The following RNGTT variants were observed in gnomAD, a reference collection of about 807,000 sequenced individuals.
The protein encoded by RNGTT is RNA guanylyltransferase and 5'-phosphatase, also known as mRNA-capping enzyme.
Under a neutral mutation model 79.3 loss-of-function variants are expected in RNGTT, and 33 were observed. That is an observed-to-expected ratio of 0.42 (90% CI 0.32 to 0.56). The LOEUF (loss-of-function observed/expected upper bound fraction) is 0.56. Ranked by LOEUF, RNGTT falls within the 20% of genes least tolerant of loss-of-function variation. The pLI is 0.17. For synonymous variants in RNGTT, 222 were observed against 235.9 expected, an observed-to-expected ratio of 0.94 and a Z score of 0.54; for missense variants, 497 against 739.1, an observed-to-expected ratio of 0.67 and a Z score of 3.80.
chr6:88,703,061 G>A (rs1284519799), intron 13 of RNGTT, among the ~76,000 whole-genome samples: 1 of 152,130 alleles, frequency 6.6e-6, no homozygotes, highest in Non-Finnish European at 1.5e-5. Context: ...AACAGATACT[G>A]GCAAGTCTAT....
chr6:88,733,560 T>C (rs774499126), intron 13 of RNGTT, among the ~76,000 whole-genome samples: 4 of 151,100 alleles, frequency 2.6e-5, no homozygotes, highest in Non-Finnish European at 4.4e-5. Flanking sequence ...AAATTAATGA[T>C]AAATATCAAA....
At chr6:88,696,423 C>T (rs1383164420) in intron 13 of RNGTT, among the ~76,000 whole-genome samples, 1 of 152,042 alleles carries the variant, frequency 6.6e-6, no homozygotes, top group Non-Finnish European at 1.5e-5. Flanking sequence ...AGTTCCCTAC[C>T]TAACTTGTTA....
At chr6:88,834,753 AACAG>A (rs1320952648) in intron 11 of RNGTT, among the ~76,000 whole-genome samples, 1 of 152,200 alleles carries the variant, frequency 6.6e-6, no homozygotes, top group Non-Finnish European at 1.5e-5. Flanking sequence ...ACTAGTCTTG[AACAG>A]ACACTTAAGA....
At chr6:88,674,749 G>GA (rs34754470) in intron 14 of RNGTT, among the ~76,000 whole-genome samples, 41 of 149,038 alleles carry the variant, frequency 2.8e-4, no homozygotes, top group Middle Eastern at 6.9e-3. Context: ...AAACAAATGT[G>GA]AAAAAAAAAA....
intron 1 of RNGTT, among the ~76,000 whole-genome samples, chr6:88,945,973 G>T (rs1048099058): frequency 1.3e-5 from 2 of 152,206 alleles, no homozygotes; most frequent in Admixed American, 6.5e-5. Context: ...AACACATTCC[G>T]ATATGAGCAA....
chr6:88,794,873 G>A (rs529741730), intron 12 of RNGTT, among the ~76,000 whole-genome samples: 8 of 152,256 alleles, frequency 5.3e-5, no homozygotes, highest in African/African-American at 1.9e-4. Context: ...CAAATCCTAT[G>A]GAATGGAGAG....
At chr6:88,907,243 C>A (rs1254012715) in intron 4 of RNGTT, among the ~76,000 whole-genome samples, 1 of 152,168 alleles carries the variant, frequency 6.6e-6, no homozygotes, top group Non-Finnish European at 1.5e-5. Flanking sequence ...AATTTGTAAT[C>A]CCCACAATCC....
chr6:88,707,393 T>G, intron 13 of RNGTT, among the ~76,000 whole-genome samples: 1 of 151,628 alleles, frequency 6.6e-6, no homozygotes, highest in Non-Finnish European at 1.5e-5. Flanking sequence ...TTTTTATTCT[T>G]TTGGGGGTGG....
chr6:88,676,109 A>G (rs993998416), intron 14 of RNGTT, among the ~76,000 whole-genome samples: 1 of 152,208 alleles, frequency 6.6e-6, no homozygotes, highest in Non-Finnish European at 1.5e-5. Context: ...CAAACAACAT[A>G]GAAAAAGAAC....
At chr6:88,889,072 C>T (rs908089215) in intron 8 of RNGTT, among the ~76,000 whole-genome samples, 1 of 152,070 alleles carries the variant, frequency 6.6e-6, no homozygotes, top group African/African-American at 2.4e-5. Flanking sequence ...CCATATAACC[C>T]AGAGAAAAAG....
intron 2 of RNGTT, among the ~76,000 whole-genome samples, chr6:88,930,598 A>G (rs1050797596): frequency 9.2e-5 from 14 of 152,194 alleles, no homozygotes; most frequent in Admixed American, 5.9e-4. Flanking sequence ...AAATCCACAC[A>G]TTCATAAAAA....
In RNGTT at chr6:88,729,926, C is replaced by T. The variant is rs141999037; in HGVS notation, c.1439+39848G>A. 5.3e-5 allele frequency among the ~76,000 whole-genome samples: 8 copies of T among 152,226 alleles called. No individual in the cohort carries two copies. In the East Asian group the frequency reaches 1.5e-3, roughly 29 times the overall value. ...TAATATCCTCAATTCTTCCTTCCCT[C>T]GCAGCTGTAATGGGTGTATTTATTC... On this transcript the variant is annotated intron_variant, in intron 13 of 15. Coordinates refer to ENST00000369485, the MANE Select transcript of RNGTT (RefSeq NM_003800.5).
At chr6:88,757,720 AC>A (rs771960686) in intron 13 of RNGTT, among the ~76,000 whole-genome samples, 18 of 152,234 alleles carry the variant, frequency 1.2e-4, no homozygotes, top group Non-Finnish European at 2.4e-4. Flanking sequence ...GAAAGTAGGA[AC>A]AAATAACAAA....
intron 14 of RNGTT, among the ~76,000 whole-genome samples, chr6:88,658,015 T>A (rs1318921551): frequency 6.6e-6 from 1 of 152,174 alleles, no homozygotes; most frequent in African/African-American, 2.4e-5. Context: ...TTGGGACCTC[T>A]ATGACCCCGC....
At chr6:88,833,817 T>C (rs1177584831) in intron 11 of RNGTT, among the ~76,000 whole-genome samples, 1 of 151,522 alleles carries the variant, frequency 6.6e-6, no homozygotes, top group Non-Finnish European at 1.5e-5. Flanking sequence ...AGGTCAGGAG[T>C]TTGAGACCAG....
intron 13 of RNGTT, among the ~76,000 whole-genome samples, chr6:88,685,466 A>T (rs950033282): frequency 7.9e-5 from 12 of 151,972 alleles, no homozygotes; most frequent in African/African-American, 2.2e-4. Flanking sequence ...TAATTTTTTT[A>T]AAAAATGCAA....
intron 11 of RNGTT, among the ~76,000 whole-genome samples, chr6:88,828,982 G>T (rs989264320): frequency 6.6e-6 from 1 of 152,092 alleles, no homozygotes; most frequent in African/African-American, 2.4e-5. Flanking sequence ...TATCCAGGAG[G>T]ACTTCCCCAA....
At chr6:88,612,917 T>C in intron 15 of RNGTT, 35 bp from the exon 16 acceptor site, 2 of 1,597,222 alleles carry the variant, frequency 1.3e-6, no homozygotes, top group Non-Finnish European at 1.7e-6. Flanking sequence ...CATGTGAGGG[T>C]TAATTAAGGC....
At chr6:88,829,554 T>C (rs1336049375) in intron 11 of RNGTT, among the ~76,000 whole-genome samples, 4 of 152,020 alleles carry the variant, frequency 2.6e-5, no homozygotes, top group Non-Finnish European at 5.9e-5. Context: ...ATGGGCTAAA[T>C]GCCCCAAATA....
Sources: gnomAD v4.1 joint callset for allele counts (sites outside exome capture counted in the v4.1 genomes callset) on GRCh38, gnomAD v4.1.1 for gene constraint, MANE v1.5 for transcripts, NCBI Gene and HGNC (gene_info 2026-07-23, HGNC 2026-07-21) for gene names.